Variants in PRKG1 observed in about 807,000 individuals in gnomAD.
The protein encoded by PRKG1 is cGMP-dependent protein kinase 1.
In PRKG1, 35 loss-of-function variants were observed where a neutral mutation model predicts 88.1. That is an observed-to-expected ratio of 0.40 (90% CI 0.30 to 0.53). The LOEUF is 0.53. Among genes scored for constraint, PRKG1 ranks in the 20% least tolerant of loss-of-function variants. The pLI is 0.59. For synonymous variants in PRKG1, 303 were observed against 292.5 expected (o/e 1.04, Z -0.37); for missense variants, 540 against 839.8 (o/e 0.64, Z 4.41).
At chr10:52,228,207 T>A (rs930350384) in intron 9 of PRKG1, among the ~76,000 whole-genome samples, 1 of 151,798 alleles carries the variant, frequency 6.6e-6, no homozygotes, top group African/African-American at 2.4e-5. Context: ...ACCACCATAA[T>A]CATTATAGTC....
At chr10:52,193,462 C>T (rs910354933) in intron 9 of PRKG1, among the ~76,000 whole-genome samples, 6 of 146,924 alleles carry the variant, frequency 4.1e-5, no homozygotes, top group Admixed American at 2.8e-4. Flanking sequence ...GCAGGAGAAT[C>T]GCTTGAACCC....
intron 5 of PRKG1, among the ~76,000 whole-genome samples, chr10:52,028,681 T>C (rs1225173022): frequency 6.6e-6 from 1 of 152,246 alleles, no homozygotes; most frequent in Non-Finnish European, 1.5e-5. Flanking sequence ...GTGCGTTTGC[T>C]TCAGCAAATT....
At chr10:51,032,042 AC>A (rs1425810440) in intron 1 of PRKG1, among the ~76,000 whole-genome samples, 1 of 152,186 alleles carries the variant, frequency 6.6e-6, no homozygotes, top group Non-Finnish European at 1.5e-5. Context: ...GTTCTGCTTC[AC>A]TGAAGTTGAG....
At chr10:51,200,970 A>T (rs1837898121) in intron 2 of PRKG1, among the ~76,000 whole-genome samples, 1 of 152,166 alleles carries the variant, frequency 6.6e-6, no homozygotes. Flanking sequence ...TTATTGCCAT[A>T]ATCAGTAGTT....
At chr10:51,596,899 A>G (rs1010308705) in intron 3 of PRKG1, among the ~76,000 whole-genome samples, 1 of 152,162 alleles carries the variant, frequency 6.6e-6, no homozygotes, top group Non-Finnish European at 1.5e-5. Context: ...CAACAGCAAC[A>G]CCAGGCACTA....
chr10:51,640,043 A>G (rs561343165), intron 3 of PRKG1, among the ~76,000 whole-genome samples: 1 of 152,320 alleles, frequency 6.6e-6, no homozygotes, highest in South Asian at 2.1e-4. Context: ...GTAATGCACC[A>G]AAAGCAAAAT....
chr10:52,269,329 T>C (rs1041361960), intron 10 of PRKG1, among the ~76,000 whole-genome samples: 2 of 152,118 alleles, frequency 1.3e-5, no homozygotes, highest in African/African-American at 4.8e-5. Context: ...CTGAATTTAT[T>C]TGTAGCACAC....
chr10:52,124,588 A>T (rs887351539), intron 7 of PRKG1, among the ~76,000 whole-genome samples: 3 of 152,162 alleles, frequency 2.0e-5, no homozygotes, highest in African/African-American at 7.2e-5. Flanking sequence ...GACACTAGAA[A>T]CACTGGACAC....
rs180776423 is a variant in PRKG1 at position 51,822,351 on chromosome 10, G to C, written c.698+17661G>C. Among the ~76,000 whole-genome samples the C allele has an allele frequency of 2.1e-4, 32 of 152,150 alleles. No individual in the cohort carries two copies. In the East Asian group the frequency reaches 5.6e-3, roughly 27 times the overall value. Reference sequence around the variant, plus strand: ...ATAAATACTGCATAATCCTACTTAAGTGTAGAAACTAAAAAAAGTAGAACT... The same window carrying C: ...ATAAATACTGCATAATCCTACTTAACTGTAGAAACTAAAAAAAGTAGAACT... On this transcript the variant is annotated intron_variant, in intron 4 of 17. Transcript: ENST00000373980.
At chr10:51,563,286 TAGA>T (rs1267640411) in intron 3 of PRKG1, among the ~76,000 whole-genome samples, 7 of 152,132 alleles carry the variant, frequency 4.6e-5, no homozygotes, top group African/African-American at 1.7e-4. Context: ...TGCAAATAGC[TAGA>T]AGGAGAATAT....
intron 1 of PRKG1, among the ~76,000 whole-genome samples, chr10:51,045,776 A>G (rs1026125238): frequency 2.6e-5 from 4 of 152,224 alleles, no homozygotes; most frequent in Non-Finnish European, 4.4e-5. Flanking sequence ...CTTTATAATT[A>G]TAGCCAGAAA....
intron 2 of PRKG1, among the ~76,000 whole-genome samples, chr10:51,186,954 T>TTTTATATTTATA (rs1318166640): frequency 1.5e-5 from 2 of 131,262 alleles, no homozygotes; most frequent in African/African-American, 6.0e-5. Context: ...AGGCCCTGTG[T>TTTTATATTTATA]TATATATATA....
chr10:51,416,895 A>G (rs1396250195), intron 2 of PRKG1, among the ~76,000 whole-genome samples: 2 of 152,176 alleles, frequency 1.3e-5, no homozygotes, highest in African/African-American at 4.8e-5. Context: ...GCATAAAAAC[A>G]TATTGTTAGC....
intron 5 of PRKG1, among the ~76,000 whole-genome samples, chr10:52,013,866 A>T (rs1383851254): frequency 6.6e-6 from 1 of 151,632 alleles, no homozygotes; most frequent in East Asian, 1.9e-4. Flanking sequence ...CTCTTTACTC[A>T]CCTCTGTGGG....
At position 51,169,009 on chromosome 10, in the gene PRKG1, C is replaced by T. The variant is rs138650646; in HGVS notation, c.478+15679C>T. 2.4e-4 allele frequency among the ~76,000 whole-genome samples: 36 copies of T among 152,150 alleles called. 1 individual carries two copies. Among genetic ancestry groups the T allele is most frequent in the South Asian group, 2.1e-3 (10 of 4,818 alleles). On this transcript the variant is annotated intron_variant, in intron 2 of 17. Coordinates refer to ENST00000373980, the MANE Select transcript of PRKG1 (RefSeq NM_006258.4). The stretch of plus-strand genomic sequence containing the variant: ...TTCCCCAATGCTTATTCTGAGTTAG[C>T]GTCGCAGAACATTGAAATTTTATTT...
intron 2 of PRKG1, among the ~76,000 whole-genome samples, chr10:51,418,426 A>G (rs1170569600): frequency 6.6e-6 from 1 of 152,224 alleles, no homozygotes; most frequent in Non-Finnish European, 1.5e-5. Flanking sequence ...AGAGGAAAGA[A>G]CATTCATTAC....
chr10:51,297,067 G>A (rs1425410703), intron 2 of PRKG1, among the ~76,000 whole-genome samples: 1 of 152,050 alleles, frequency 6.6e-6, no homozygotes, highest in Non-Finnish European at 1.5e-5. Context: ...GCAAAGCATT[G>A]AGTCCAAAAG....
At chr10:51,487,353 T>A (rs1044240804) in intron 3 of PRKG1, among the ~76,000 whole-genome samples, 1 of 152,202 alleles carries the variant, frequency 6.6e-6, no homozygotes, top group Non-Finnish European at 1.5e-5. Flanking sequence ...GAGTGGGTAC[T>A]CTTGGTATTT....
At chr10:51,306,226 A>C (rs1329234008) in intron 2 of PRKG1, among the ~76,000 whole-genome samples, 3 of 152,216 alleles carry the variant, frequency 2.0e-5, no homozygotes, top group African/African-American at 7.2e-5. Flanking sequence ...TATATTGCAG[A>C]GAGAATATGG....
Sources: gnomAD v4.1 joint callset for allele counts (sites outside exome capture counted in the v4.1 genomes callset) on GRCh38, gnomAD v4.1.1 for gene constraint, MANE v1.5 for transcripts, NCBI Gene and HGNC (gene_info 2026-07-23, HGNC 2026-07-21) for gene names.